ZNF98: variants seen among roughly 807,000 people sequenced by gnomAD.
ZNF98 encodes the protein zinc finger protein 98, also known as zinc finger protein 739.
Under a neutral mutation model 12.8 loss-of-function variants are expected in ZNF98, and 8 were observed. The observed-to-expected ratio is 0.63, with a 90% CI of 0.37 to 1.13. The LOEUF (loss-of-function observed/expected upper bound fraction) is 1.13, where lower values mean the gene tolerates loss of function less well. Ranked by LOEUF, ZNF98 falls within the 50% of genes most tolerant of loss-of-function variation. The probability of loss-of-function intolerance (pLI) is 0.01; values close to 1 mark genes in which losing one functional copy is unlikely to be tolerated. For missense variants in ZNF98, 379 were observed against 666.1 expected (o/e 0.57, Z 4.74); for synonymous variants, 112 against 223.5 (o/e 0.50, Z 4.45).
intron 1 of ZNF98, 35 bp from the exon 2 acceptor site, chr19:22,403,547 A>G (rs1192051474): frequency 6.4e-7 from 1 of 1,561,782 alleles, no homozygotes; most frequent in African/African-American, 1.4e-5. Flanking sequence ...CATATTTACC[A>G]AGTGGCCATA....
intron 1 of ZNF98, among the ~76,000 whole-genome samples, chr19:22,403,771 T>C (rs1969488217): frequency 6.6e-6 from 1 of 152,248 alleles, no homozygotes; most frequent in South Asian, 2.1e-4. Flanking sequence ...CTGAGGGCAT[T>C]AACACTAACA....
intron 3 of ZNF98, among the ~76,000 whole-genome samples, chr19:22,400,929 A>T (rs1187653249): frequency 7.2e-6 from 1 of 139,636 alleles, no homozygotes; most frequent in Non-Finnish European, 1.6e-5. Flanking sequence ...CTCCAGTCTC[A>T]GCGACAGAGT....
At position 22,391,374 on chromosome 19, in the gene ZNF98, G is replaced by C; in HGVS notation, c.*142C>G. ...ACATTTGTTCTCATCAAGTATAAAG[G>C]CTTTCCTGTGCAATAAGGTTTGAGC... On this transcript the variant is annotated 3_prime_UTR_variant, in exon 4 of 4. Transcript: ENST00000357774. 6.9e-7 allele frequency: 1 copy of C among 1,446,270 alleles called. No homozygotes were observed. Among genetic ancestry groups the C allele is most frequent in the Admixed American group, 2.8e-5 (1 of 35,504 alleles). The allele number at this position is 1,446,270 out of a possible 1,614,324, so 89.6% of individuals were successfully genotyped here.
At chr19:22,403,268 A>AC in intron 2 of ZNF98, 118 bp downstream of exon 2, 1 of 1,305,254 alleles carries the variant, frequency 7.7e-7, no homozygotes, top group Admixed American at 2.8e-5. Flanking sequence ...TAAAAAAAAA[A>AC]AACAAAAAAA....
intron 3 of ZNF98, among the ~76,000 whole-genome samples, chr19:22,401,792 T>A (rs923002526): frequency 1.3e-5 from 2 of 151,348 alleles, no homozygotes; most frequent in African/African-American, 4.9e-5. Flanking sequence ...GCTGAAAGAA[T>A]ATTATTAAAG....
chr19:22,414,226 C>G, intron 1 of ZNF98, among the ~76,000 whole-genome samples: 1 of 104,492 alleles, frequency 9.6e-6, no homozygotes. Context: ...GAGCAAGACT[C>G]CATCTCAAAA....
At chr19:22,415,680 G>C (rs1382100207) in intron 1 of ZNF98, among the ~76,000 whole-genome samples, 1 of 151,862 alleles carries the variant, frequency 6.6e-6, no homozygotes, top group Non-Finnish European at 1.5e-5. Context: ...GCTATGTGGG[G>C]GGCTAAAGTA....
intron 3 of ZNF98, among the ~76,000 whole-genome samples, chr19:22,402,225 A>G (rs1487358604): frequency 6.6e-6 from 1 of 151,154 alleles, no homozygotes; most frequent in East Asian, 1.9e-4. Context: ...CAATTCTCAC[A>G]TAGACTTACA....
At chr19:22,414,785 A>C (rs1209062951) in intron 1 of ZNF98, among the ~76,000 whole-genome samples, 1 of 152,178 alleles carries the variant, frequency 6.6e-6, no homozygotes, top group Admixed American at 6.5e-5. Context: ...ATATTTAAAA[A>C]GATCCATGAA....
intron 3 of ZNF98, among the ~76,000 whole-genome samples, chr19:22,402,115 G>A (rs1245230501): frequency 1.4e-5 from 2 of 141,256 alleles, no homozygotes; most frequent in Non-Finnish European, 3.0e-5. Flanking sequence ...GGCAGAGATT[G>A]CAGTTAGCCA....
At chr19:22,413,643 G>T (rs1171809727) in intron 1 of ZNF98, among the ~76,000 whole-genome samples, 6 of 151,794 alleles carry the variant, frequency 4.0e-5, no homozygotes, top group Non-Finnish European at 8.8e-5. Flanking sequence ...GGCCGAGACA[G>T]GCAGATCACC....
In ZNF98 at chr19:22,392,677, T is replaced by C; in HGVS notation, c.558A>G (p.Glu186=). ...HTGKKSFKCK[E]CEKSFCMLSH... is the part of the protein sequence containing the mutation. The stretch of plus-strand genomic sequence containing the variant: ...AAAGCATGCAAAATGACTTTTCACA[T>C]TCTTTACACTTGAAAGATTTCTTTC... Residue 186 remains glutamate, a synonymous_variant, in exon 4 of 4, where the codon GAA becomes GAG. Coordinates refer to ENST00000357774, the MANE Select transcript of ZNF98 (RefSeq NM_001098626.2). The C allele has an allele frequency of 6.3e-7, 1 of 1,595,614 alleles. No homozygotes were observed. Among genetic ancestry groups the C allele is most frequent in the South Asian group, 1.1e-5 (1 of 89,800 alleles).
chr19:22,401,993 T>C (rs1363513105), intron 3 of ZNF98, among the ~76,000 whole-genome samples: 1 of 150,152 alleles, frequency 6.7e-6, no homozygotes, highest in Non-Finnish European at 1.5e-5. Context: ...CTGGCCAATA[T>C]GGTGACACCC....
Position 22,391,718 on chromosome 19 carries a change from G to A in ZNF98, c.1517C>T (p.Thr506Ile). 2.5e-6 allele frequency: 4 copies of A among 1,614,004 alleles called. No individual in the cohort carries two copies. Among genetic ancestry groups the A allele is most frequent in the Non-Finnish European group, 3.4e-6 (4 of 1,179,962 alleles). ...GKAFNQSSHL[T>I]THKMIHTGEK... ...TCCAGTATGAATCATCTTATGTGTA[G>A]TAAGGTGTGAGGACTGGTTAAAAGC... Residue 506 changes from threonine (T) to isoleucine (I), a missense_variant, in exon 4 of 4, where the codon ACT becomes ATT. Thr to Ile is a moderately conservative substitution (Grantham distance 89, BLOSUM62 -1). This residue lies in a region of ZNF98 where 59 missense variants were observed against 50.3 expected (regional missense o/e 1.17). Coordinates refer to ENST00000357774, the MANE Select transcript of ZNF98 (RefSeq NM_001098626.2).
chr19:22,415,830 C>G (rs767779265), intron 1 of ZNF98, among the ~76,000 whole-genome samples: 5 of 151,636 alleles, frequency 3.3e-5, no homozygotes, highest in Non-Finnish European at 5.9e-5. Flanking sequence ...CACAGTGGCT[C>G]ACGCCTGTAA....
chr19:22,417,011 C>T (rs750181015), intron 1 of ZNF98, among the ~76,000 whole-genome samples: 14 of 152,072 alleles, frequency 9.2e-5, no homozygotes, highest in Admixed American at 3.3e-4. Context: ...AGGCAGATCA[C>T]CTGAGGTCAG....
intron 3 of ZNF98, chr19:22,402,573 G>C (rs998261361): frequency 8.0e-6 from 4 of 502,416 alleles, no homozygotes; most frequent in Non-Finnish European, 1.3e-5. Context: ...ACCTGAAGAA[G>C]ATCACCAAAG....
At chr19:22,396,787 T>C (rs1480192825) in intron 3 of ZNF98, among the ~76,000 whole-genome samples, 8 of 152,176 alleles carry the variant, frequency 5.3e-5, no homozygotes, top group Admixed American at 5.2e-4. Context: ...AAAATGTACT[T>C]GAAGTTAAAA....
Position 22,422,314 on chromosome 19 carries a change from C to T in ZNF98, c.-90G>A. On this transcript the variant is annotated 5_prime_UTR_variant, in exon 1 of 4. Transcript: ENST00000357774. Reference sequence around the variant, plus strand: ...AGGACACAGAAGGGCGAAGACGAGACCAGGAACTCCGGCTGCAGCGAGAGA... The same window carrying T: ...AGGACACAGAAGGGCGAAGACGAGATCAGGAACTCCGGCTGCAGCGAGAGA... 1 of 1,515,748 alleles carries T rather than the reference C, an allele frequency of 6.6e-7. No homozygotes were observed. The highest frequency in any genetic ancestry group is 9.1e-7 in the Non-Finnish European group (1 of 1,095,376). The allele number at this position is 1,515,748 out of a possible 1,614,324, so 93.9% of individuals were successfully genotyped here. A position where few individuals can be genotyped will look rare whatever the true frequency, so the allele number is the denominator to read the frequency against.
Sources: gnomAD v4.1 joint callset for allele counts (sites outside exome capture counted in the v4.1 genomes callset) on GRCh38, gnomAD v4.1.1 for gene constraint, gnomAD v4.1.1 regional missense constraint, MANE v1.5 for transcripts, NCBI Gene and HGNC (gene_info 2026-07-23, HGNC 2026-07-21) for gene names.